The following ALS2CL variants were observed in gnomAD, a reference collection of about 807,000 sequenced individuals.
The protein encoded by ALS2CL is ALS2 C-terminal-like protein.
ALS2CL carries 112 observed loss-of-function variants against 127.9 expected under a neutral mutation model. That is an observed-to-expected ratio of 0.88 (90% CI 0.75 to 1.02). The LOEUF (loss-of-function observed/expected upper bound fraction) is 1.02, where lower values mean the gene tolerates loss of function less well. ALS2CL is among the 50% of genes least tolerant of loss of function. The pLI is 0.00. For missense variants in ALS2CL, 1,174 were observed against 1,236.7 expected (o/e 0.95, Z 0.76); for synonymous variants, 519 against 527.6 (o/e 0.98, Z 0.22).
rs1262164433 is a variant in ALS2CL, at chr3:46,675,897, G to C, written c.2187-211C>G. The C allele has an allele frequency of 9.1e-6, 13 of 1,435,364 alleles. No homozygotes were observed. In the East Asian group the frequency reaches 2.8e-4, roughly 31 times the overall value. 88.9% of individuals were successfully genotyped at this position (1,435,364 alleles called of 1,614,324 possible). A position where few individuals can be genotyped will look rare whatever the true frequency, so the allele number is the denominator to read the frequency against. ...AGCAGAAGGAACTATAGCATCTAAG[G>C]CTTCTATTTGCAGTGTTTCATGGGG... On this transcript the variant is annotated intron_variant, in intron 19 of 25. Transcript: ENST00000318962.
rs762413148 is a variant in ALS2CL, at chr3:46,681,534, G to A, written c.1240C>T (p.Arg414Ter). Residue 414 changes from arginine to a stop codon, truncating the protein, a stop_gained, in exon 12 of 26, where the codon CGA becomes TGA. Coordinates refer to ENST00000318962, the MANE Select transcript of ALS2CL (RefSeq NM_147129.5). LOFTEE classifies it high-confidence loss of function. The surrounding 1 kb of genome is among the most constrained non-coding windows in gnomAD (Gnocchi z 4.9). ...DKFDCYKCHW[R>*]EGSMCGYGIC... ...CCGTAGCCACACATGCTGCCTTCTC[G>A]CCAGTGACACTTGTAACAGTCGAAC... is the stretch of plus-strand genomic sequence containing the variant. 1.1e-5 allele frequency: 18 copies of A among 1,614,116 alleles called. No homozygotes were observed. The highest frequency in any genetic ancestry group is 1.6e-4 in the Middle Eastern group (1 of 6,062).
In ALS2CL at chr3:46,674,634, G is replaced by A; in HGVS notation, c.2361C>T (p.Tyr787=). 6.2e-7 allele frequency: 1 copy of A among 1,614,154 alleles called. No homozygotes were observed. ...GGCTCAAGTTGGCAATGCCCTGGCT[G>A]TAGAAGCTGTCCTCCCGCTCATGAA... ...LLLHEREDSF[Y]SQGIANLSLF... Residue 787 remains tyrosine, a synonymous_variant, in exon 21 of 26, where the codon TAC becomes TAT. Transcript: ENST00000318962.
chr3:46,679,177 C>G (rs1225736196), intron 15 of ALS2CL, 33 bp downstream of exon 15: 1 of 1,537,476 alleles, frequency 6.5e-7, no homozygotes, highest in Non-Finnish European at 8.8e-7. Context: ...AAGGCCTTGG[C>G]AGGGTGTGGA....
chr3:46,693,019 G>T (rs1700253659), intron 1 of ALS2CL, among the ~76,000 whole-genome samples: 3 of 152,260 alleles, frequency 2.0e-5, no homozygotes, highest in East Asian at 1.9e-4. Context: ...GTGCCCAGTG[G>T]GGGAGAGTAG....
chr3:46,675,293 C>G, intron 20 of ALS2CL: 1 of 322,322 alleles, frequency 3.1e-6, no homozygotes, highest in Non-Finnish European at 5.7e-6. Context: ...TCCCTACCAG[C>G]CCTCGGTTTC....
In ALS2CL at chr3:46,676,343, G is replaced by A; in HGVS notation, c.2088C>T (p.Phe696=). 2 of 1,613,972 alleles carry A rather than the reference G, an allele frequency of 1.2e-6. No homozygotes were observed. Among genetic ancestry groups the A allele is most frequent in the South Asian group, 1.1e-5 (1 of 91,086 alleles). The change falls in exon 19 of 26, where the codon TTC becomes TTT. Residue 696 remains phenylalanine, a synonymous_variant. Coordinates refer to ENST00000318962, the MANE Select transcript of ALS2CL (RefSeq NM_147129.5). ...CCCCGACACCTGCGTAGGTAGCCTG[G>A]AAGGTCAGCATCAGTGTCCGGAGCA... ...GKLLRTLMLT[F]QATYAGVGAN...
intron 1 of ALS2CL, among the ~76,000 whole-genome samples, chr3:46,693,224 G>C (rs908131672): frequency 1.3e-5 from 2 of 152,236 alleles, no homozygotes; most frequent in African/African-American, 4.8e-5. Flanking sequence ...ACACTCAGTC[G>C]CTGGAGTTTC....
At position 46,683,133 on chromosome 3, in the gene ALS2CL, C is replaced by T; in HGVS notation, c.1106G>A (p.Gly369Asp). 1.3e-6 allele frequency: 2 copies of T among 1,560,502 alleles called. No homozygotes were observed. The highest frequency in any genetic ancestry group is 2.3e-5 in the East Asian group (1 of 43,572). ...EGEWCRGRPH[G>D]KGTLKWPDGR... ...ACCCAGAGCTCCAGCCACTCACTTGCCGTGGGGCCGGCCCCTGCACCACTC... is the reference window on the plus strand; with the variant it reads ...ACCCAGAGCTCCAGCCACTCACTTGTCGTGGGGCCGGCCCCTGCACCACTC... The change falls in exon 10 of 26, where the codon GGC becomes GAC. Residue 369 changes from glycine (G) to aspartate (D), a missense_variant. Gly to Asp is a moderately conservative substitution (Grantham distance 94, BLOSUM62 -1). Transcript: ENST00000318962.
intron 3 of ALS2CL, 103 bp from the exon 4 acceptor site, chr3:46,687,787 C>G: frequency 8.1e-7 from 1 of 1,241,124 alleles, no homozygotes. Flanking sequence ...TCAGCTGCAG[C>G]CCTGAGGGCC....
At chr3:46,692,347 C>A (rs1236640064) in intron 1 of ALS2CL, among the ~76,000 whole-genome samples, 1 of 151,922 alleles carries the variant, frequency 6.6e-6, no homozygotes, top group Non-Finnish European at 1.5e-5. Context: ...TGCAGGAGTA[C>A]CCCCCTCCCC....
chr3:46,688,056 GA>G (rs1699913577), intron 3 of ALS2CL, 41 bp downstream of exon 3: 1 of 1,598,156 alleles, frequency 6.3e-7, no homozygotes, highest in African/African-American at 1.3e-5. Context: ...GTGTCACTCT[GA>G]CACCAGGGAT....
chr3:46,671,665 G>T, intron 24 of ALS2CL, 81 bp from the exon 25 acceptor site: 2 of 1,604,158 alleles, frequency 1.2e-6, no homozygotes, highest in Non-Finnish European at 1.7e-6. Flanking sequence ...GGGAAGGAGC[G>T]CTGGCCTGGA....
rs151214792 is a variant in ALS2CL, at chr3:46,682,792, T to C, written c.1109+338A>G. 1.4e-4 allele frequency among the ~76,000 whole-genome samples: 21 copies of C among 152,306 alleles called. No homozygotes were observed. The East Asian group carries it at 3.9e-3, about 28-fold the overall frequency. Reference sequence around the variant, plus strand: ...TTCATGAGGACCGATGGAGATAGAATGTGTGCAAGCCATTTCAACACTGCC... The same window carrying C: ...TTCATGAGGACCGATGGAGATAGAACGTGTGCAAGCCATTTCAACACTGCC... On this transcript the variant is annotated intron_variant, in intron 10 of 25. Transcript: ENST00000318962.
rs1267546711 is a variant in ALS2CL at position 46,681,812 on chromosome 3, G to A, written c.1176-214C>T. On this transcript the variant is annotated intron_variant, in intron 11 of 25. Coordinates refer to ENST00000318962, the MANE Select transcript of ALS2CL (RefSeq NM_147129.5). The surrounding 1 kb of genome is among the most constrained non-coding windows in gnomAD (Gnocchi z 4.9). Reference sequence around the variant, plus strand: ...AGCACCTTGGAGCACCTTTTGGCCTGTACCACTCCCTCTGTGACCTCGAGC... The same window carrying A: ...AGCACCTTGGAGCACCTTTTGGCCTATACCACTCCCTCTGTGACCTCGAGC... 2.0e-5 allele frequency among the ~76,000 whole-genome samples: 3 copies of A among 152,092 alleles called. No homozygotes were observed. Among genetic ancestry groups the A allele is most frequent in the Non-Finnish European group, 4.4e-5 (3 of 68,020 alleles).
intron 20 of ALS2CL, 151 bp from the exon 21 acceptor site, chr3:46,674,890 C>A: frequency 2.8e-6 from 2 of 709,028 alleles, no homozygotes; most frequent in Admixed American, 3.6e-5. Flanking sequence ...CAAGCCTGTT[C>A]TCAGTCATCA....
rs933395064 is a variant in ALS2CL at position 46,669,851 on chromosome 3, C to G, written c.*1133G>C. 4 of 152,422 alleles carry G rather than the reference C, an allele frequency of 2.6e-5. No homozygotes were observed. Among genetic ancestry groups the G allele is most frequent in the Middle Eastern group, 6.8e-3 (2 of 294 alleles). 9.4% of individuals were successfully genotyped at this position (152,422 alleles called of 1,614,324 possible). ...GGGACTCAGGTGTGGCTGGGCTTTC[C>G]AGAGCCTCCCTCAACCCTCCCCTCA... On this transcript the variant is annotated 3_prime_UTR_variant, in exon 26 of 26. Transcript: ENST00000318962.
rs1319115583 is a variant in ALS2CL, at chr3:46,677,008, C to T, written c.1772G>A (p.Gly591Asp). 2 of 1,606,508 alleles carry T rather than the reference C, an allele frequency of 1.2e-6. No individual in the cohort carries two copies. The highest frequency in any genetic ancestry group is 1.3e-5 in the African/African-American group (1 of 74,786). The stretch of plus-strand genomic sequence containing the variant: ...CCAGCGGCTTTCCACGGGGAAGGCA[C>T]CCACGCCCAGCTGCCTGCGATGGGG... ...SSTCKRQLGVGAFPVESRWQG... is the reference protein window; with the variant it reads ...SSTCKRQLGVDAFPVESRWQG... Residue 591 changes from glycine (G) to aspartate (D), a missense_variant, in exon 17 of 26, where the codon GGT (glycine) becomes GAT (aspartate). Physicochemically the swap from Gly to Asp is moderately conservative, Grantham distance 94 (BLOSUM62 -1). Coordinates refer to ENST00000318962, the MANE Select transcript of ALS2CL (RefSeq NM_147129.5).
At chr3:46,691,018 G>GA (rs1177585717) in intron 1 of ALS2CL, among the ~76,000 whole-genome samples, 4 of 152,206 alleles carry the variant, frequency 2.6e-5, no homozygotes, top group African/African-American at 9.7e-5. Context: ...AGAGAGGCAG[G>GA]AAGGGGAAGC....
chr3:46,669,752 C>T lies in ALS2CL; in HGVS notation c.*1232G>A, dbSNP rs1330934472. On this transcript the variant is annotated 3_prime_UTR_variant, in exon 26 of 26. Coordinates refer to ENST00000318962, the MANE Select transcript of ALS2CL (RefSeq NM_147129.5). The stretch of plus-strand genomic sequence containing the variant: ...GGGAAGTGGTGGCAAACAGAGGCGC[C>T]AAGGCTCTCTCTGCCCACTGCCCAC... 2.6e-5 allele frequency: 4 copies of T among 152,268 alleles called. No homozygotes were observed. Among genetic ancestry groups the T allele is most frequent in the African/African-American group, 7.2e-5 (3 of 41,458 alleles). 9.4% of individuals were successfully genotyped at this position (152,268 alleles called of 1,614,324 possible). A position where few individuals can be genotyped will look rare whatever the true frequency, so the allele number is the denominator to read the frequency against.
Sources: gnomAD v4.1 joint callset for allele counts (sites outside exome capture counted in the v4.1 genomes callset) on GRCh38, gnomAD v4.1.1 for gene constraint, Gnocchi (gnomAD v3.1) non-coding constraint, MANE v1.5 for transcripts, NCBI Gene and HGNC (gene_info 2026-07-23, HGNC 2026-07-21) for gene names.